ZNF280B: variants seen among roughly 807,000 people sequenced by gnomAD.
The protein encoded by ZNF280B is zinc finger protein 280B, also known as suppressor of hairy wing homolog 2.
A neutral mutation model predicts 38.0 loss-of-function variants in ZNF280B; 16 were observed. The observed-to-expected ratio is 0.42, with a 90% CI of 0.28 to 0.64. The LOEUF is 0.64. Among genes scored for constraint, ZNF280B ranks in the 30% least tolerant of loss-of-function variants. The pLI is 0.21. For synonymous variants in ZNF280B, 253 were observed against 230.6 expected, an observed-to-expected ratio of 1.10 and a Z score of -0.88; for missense variants, 581 against 639.6, an observed-to-expected ratio of 0.91 and a Z score of 0.99.
At chr22:22,501,035 A>AAAAAAAC (rs1555942000) in intron 2 of ZNF280B, among the ~76,000 whole-genome samples, 1,736 of 139,880 alleles carry the variant, frequency 0.012, 38 homozygotes, top group African/African-American at 0.034. Context: ...AAAAAAAAAA[A>AAAAAAAC]AAAAAACAAA....
At position 22,488,573 on chromosome 22, in the gene ZNF280B, G is replaced by A. The variant is rs769246136; in HGVS notation, c.826C>T (p.Pro276Ser). ...SLTSQNKTFD[P>S]KKENPIVLLS... ...AACACAATGGGATTTTCTTTCTTGG[G>A]ATCAAAGGTCTTGTTTTGACTTGTT... The change falls in exon 4 of 4, where the codon CCC becomes TCC. Residue 276 changes from proline (P) to serine (S), a missense_variant. Coordinates refer to ENST00000626650, the MANE Select transcript of ZNF280B (RefSeq NM_080764.4). The A allele has an allele frequency of 6.2e-7, 1 of 1,613,896 alleles. No individual in the cohort carries two copies. Among genetic ancestry groups the A allele is most frequent in the South Asian group, 1.1e-5 (1 of 91,064 alleles).
chr22:22,500,624 G>C (rs1292388878), intron 2 of ZNF280B, among the ~76,000 whole-genome samples: 1 of 151,890 alleles, frequency 6.6e-6, no homozygotes, highest in Non-Finnish European at 1.5e-5. Flanking sequence ...GGGAGGCTGA[G>C]GTGGGCAGAT....
chr22:22,506,838 G>A (rs894190736), intron 2 of ZNF280B, among the ~76,000 whole-genome samples: 17 of 151,908 alleles, frequency 1.1e-4, no homozygotes, highest in African/African-American at 4.1e-4. Context: ...ATGGAAAAGG[G>A]TTAAATGGTG....
In ZNF280B at chr22:22,488,870, T is replaced by C; in HGVS notation, c.529A>G (p.Thr177Ala). The C allele has an allele frequency of 1.2e-6, 2 of 1,613,746 alleles. No homozygotes were observed. Among genetic ancestry groups the C allele is most frequent in the Non-Finnish European group, 8.5e-7 (1 of 1,179,972 alleles). The stretch of plus-strand genomic sequence containing the variant: ...GGATTTATGCTGTTTACTTCGAAAG[T>C]GGAAAGTTGCTTTGATACACGAGGA... ...ESPRVSKQLS[T>A]FEVNSINPKR... The change falls in exon 4 of 4, where the codon ACT becomes GCT. Residue 177 changes from threonine (T) to alanine (A), a missense_variant. Thr to Ala is a moderately conservative substitution (Grantham distance 58). Coordinates refer to ENST00000626650, the MANE Select transcript of ZNF280B (RefSeq NM_080764.4).
In ZNF280B at chr22:22,485,844, C is replaced by T. The variant is rs1569170074; in HGVS notation, c.*1923G>A. The stretch of plus-strand genomic sequence containing the variant: ...AAGACAGGCTGCTGGGCACCTTGGT[C>T]AGGGGTGGAGGAACAAAGGATGGCA... On this transcript the variant is annotated 3_prime_UTR_variant, in exon 4 of 4. Transcript: ENST00000626650. 6.6e-6 allele frequency: 1 copy of T among 151,972 alleles called. No individual in the cohort carries two copies. The allele number at this position is 151,972 out of a possible 1,614,324, so 9.4% of individuals were successfully genotyped here.
intron 2 of ZNF280B, among the ~76,000 whole-genome samples, chr22:22,506,670 A>C (rs1161782277): frequency 2.0e-5 from 3 of 151,892 alleles, no homozygotes; most frequent in Admixed American, 1.3e-4. Context: ...TATGTTTGCT[A>C]TATTAATGAT....
Position 22,489,290 on chromosome 22 carries a change from G to A in ZNF280B, c.109C>T (p.His37Tyr). ...DAELIFVGVE[H>Y]VNEDAELIFV... ...ATTAGCTCAGCATCTTCATTTACAT[G>A]TTCCACACCAACAAAGATGAGCTCA... Residue 37 changes from histidine to tyrosine, a missense_variant, in exon 4 of 4, where the codon CAT becomes TAT. By Grantham distance (83) the His-to-Tyr change is moderately conservative. Transcript: ENST00000626650. The A allele has an allele frequency of 6.2e-7, 1 of 1,613,810 alleles. No individual in the cohort carries two copies. The highest frequency in any genetic ancestry group is 8.5e-7 in the Non-Finnish European group (1 of 1,179,954).
rs1197091935 is a variant in ZNF280B at position 22,485,599 on chromosome 22, CTTT to C, written c.*2165_*2167del. On this transcript the variant is annotated 3_prime_UTR_variant, in exon 4 of 4. Coordinates refer to ENST00000626650, the MANE Select transcript of ZNF280B (RefSeq NM_080764.4). ...AATGTAGATAATATACTCACAACTTCTTTGTTATCTGTACTGCCTTCTACTCTA... is the reference window on the plus strand; with the variant it reads ...AATGTAGATAATATACTCACAACTTCGTTATCTGTACTGCCTTCTACTCTA... 2.6e-5 allele frequency: 4 copies of C among 151,904 alleles called. No individual in the cohort carries two copies. The highest frequency in any genetic ancestry group is 9.7e-5 in the African/African-American group (4 of 41,360). The allele number at this position is 151,904 out of a possible 1,614,324, so 9.4% of individuals were successfully genotyped here. A position where few individuals can be genotyped will look rare whatever the true frequency, so the allele number is the denominator to read the frequency against.
At chr22:22,505,619 G>C (rs1407894395) in intron 2 of ZNF280B, among the ~76,000 whole-genome samples, 1 of 150,790 alleles carries the variant, frequency 6.6e-6, no homozygotes, top group Non-Finnish European at 1.5e-5. Flanking sequence ...AATTAGCTGG[G>C]TGTGGTGGCG....
At chr22:22,498,793 C>CTTTTTTTTTTTTTT (rs60940298) in intron 2 of ZNF280B, among the ~76,000 whole-genome samples, 2 of 83,632 alleles carry the variant, frequency 2.4e-5, no homozygotes, top group Non-Finnish European at 4.1e-5. Flanking sequence ...GGCCAATATC[C>CTTTTTTTTTTTTTT]TTTTTTTTTT....
At chr22:22,501,513 C>T (rs907215809) in intron 2 of ZNF280B, among the ~76,000 whole-genome samples, 2 of 150,704 alleles carry the variant, frequency 1.3e-5, no homozygotes, top group Admixed American at 6.6e-5. Context: ...TACAGTGAGC[C>T]GAGATCATGC....
At chr22:22,503,055 G>A (rs1005474973) in intron 2 of ZNF280B, among the ~76,000 whole-genome samples, 10 of 152,002 alleles carry the variant, frequency 6.6e-5, no homozygotes, top group Non-Finnish European at 1.5e-4. Flanking sequence ...ACTAGAAGAT[G>A]CAAAGAATGG....
chr22:22,489,856 T>G (rs2061558670), intron 3 of ZNF280B, among the ~76,000 whole-genome samples: 1 of 152,008 alleles, frequency 6.6e-6, no homozygotes, highest in Non-Finnish European at 1.5e-5. Context: ...TTTTTTACTT[T>G]TAAATGTATT....
chr22:22,493,027 TC>T (rs1457684550), intron 3 of ZNF280B, among the ~76,000 whole-genome samples: 42 of 152,100 alleles, frequency 2.8e-4, no homozygotes, highest in Non-Finnish European at 1.3e-4. Context: ...TTTTTCTTTT[TC>T]AAGACGGAGT....
In ZNF280B at chr22:22,487,717, GTTTT is replaced by G. The variant is rs745425295; in HGVS notation, c.*46_*49del. 1 of 1,490,984 alleles carries G rather than the reference GTTTT, an allele frequency of 6.7e-7. No individual in the cohort carries two copies. The highest frequency in any genetic ancestry group is 9.0e-7 in the Non-Finnish European group (1 of 1,115,186). The allele number at this position is 1,490,984 out of a possible 1,614,324, so 92.4% of individuals were successfully genotyped here. A position where few individuals can be genotyped will look rare whatever the true frequency, so the allele number is the denominator to read the frequency against. Reference sequence around the variant, plus strand: ...TGGTTTGTATTTTTTGTTTTATGAGGTTTTTTAATTTGGTTTGAAATACTTGCTT... The same window carrying G: ...TGGTTTGTATTTTTTGTTTTATGAGGTTAATTTGGTTTGAAATACTTGCTT... On this transcript the variant is annotated 3_prime_UTR_variant, in exon 4 of 4. Coordinates refer to ENST00000626650, the MANE Select transcript of ZNF280B (RefSeq NM_080764.4).
chr22:22,497,087 G>C (rs1167287764), intron 2 of ZNF280B, among the ~76,000 whole-genome samples: 1 of 150,740 alleles, frequency 6.6e-6, no homozygotes, highest in African/African-American at 2.4e-5. Context: ...CAAAGTACTG[G>C]AATTACAGGC....
rs2061519476 is a variant in ZNF280B, at chr22:22,487,591, T to C, written c.*176A>G. The C allele has an allele frequency of 3.8e-6, 2 of 531,240 alleles. No homozygotes were observed. Among genetic ancestry groups the C allele is most frequent in the Middle Eastern group, 4.9e-4 (1 of 2,022 alleles). The allele number at this position is 531,240 out of a possible 1,614,324, so 32.9% of individuals were successfully genotyped here. A position where few individuals can be genotyped will look rare whatever the true frequency, so the allele number is the denominator to read the frequency against. Reference sequence around the variant, plus strand: ...ATGAAAACCAGATGTTTTAAAATAATACCTCAAAATTCAGATCAAATAATA... The same window carrying C: ...ATGAAAACCAGATGTTTTAAAATAACACCTCAAAATTCAGATCAAATAATA... On this transcript the variant is annotated 3_prime_UTR_variant, in exon 4 of 4. Coordinates refer to ENST00000626650, the MANE Select transcript of ZNF280B (RefSeq NM_080764.4).
chr22:22,500,578 G>A (rs930389106), intron 2 of ZNF280B, among the ~76,000 whole-genome samples: 3 of 151,830 alleles, frequency 2.0e-5, no homozygotes, highest in South Asian at 2.1e-4. Context: ...AGTAGAGGCC[G>A]GAAGCAGTGG....
At position 22,487,533 on chromosome 22, in the gene ZNF280B, C is replaced by T; in HGVS notation, c.*234G>A. 1 of 351,258 alleles carries T rather than the reference C, an allele frequency of 2.8e-6. No individual in the cohort carries two copies. Among genetic ancestry groups the T allele is most frequent in the East Asian group, 4.2e-5 (1 of 23,658 alleles). 21.8% of individuals were successfully genotyped at this position (351,258 alleles called of 1,614,324 possible). A position where few individuals can be genotyped will look rare whatever the true frequency, so the allele number is the denominator to read the frequency against. ...TCTCTCTCTCACACACACACACAAA[C>T]ACCTTTTATGTGTTAAGCCAGATAC... is the stretch of plus-strand genomic sequence containing the variant. On this transcript the variant is annotated 3_prime_UTR_variant, in exon 4 of 4. Coordinates refer to ENST00000626650, the MANE Select transcript of ZNF280B (RefSeq NM_080764.4).
Sources: allele counts gnomAD v4.1 joint callset (sites outside exome capture counted in the v4.1 genomes callset), GRCh38; gene constraint gnomAD v4.1.1; transcripts MANE v1.5; gene names NCBI Gene and HGNC (gene_info 2026-07-23, HGNC 2026-07-21).